The following SIPA1L2 variants were observed in gnomAD, a reference collection of about 807,000 sequenced individuals.
The protein encoded by SIPA1L2 is signal induced proliferation associated 1 like 2, also known as signal-induced proliferation-associated 1-like protein 2.
In SIPA1L2, 56 loss-of-function variants were observed where a neutral mutation model predicts 163.9. That is an observed-to-expected ratio of 0.34 (90% CI 0.28 to 0.43). The LOEUF (loss-of-function observed/expected upper bound fraction) is 0.43, where lower values mean the gene tolerates loss of function less well. Ranked by LOEUF, SIPA1L2 falls within the 20% of genes least tolerant of loss-of-function variation. The pLI is 1.00. For synonymous variants in SIPA1L2, 877 were observed against 865.7 expected, an observed-to-expected ratio of 1.01 and a Z score of -0.23; for missense variants, 1,974 against 2,193.5, an observed-to-expected ratio of 0.90 and a Z score of 2.00.
intron 2 of SIPA1L2, among the ~76,000 whole-genome samples, chr1:232,566,354 T>C (rs1353790424): frequency 2.0e-5 from 3 of 152,126 alleles, no homozygotes; most frequent in African/African-American, 4.8e-5. Flanking sequence ...CACTGATATT[T>C]CCTCCAAAGA....
At chr1:232,596,575 A>G (rs1180159091) in intron 1 of SIPA1L2, among the ~76,000 whole-genome samples, 1 of 152,226 alleles carries the variant, frequency 6.6e-6, no homozygotes, top group Non-Finnish European at 1.5e-5. Context: ...TTCTTGTTTT[A>G]TCATTTTGTC....
intron 2 of SIPA1L2, among the ~76,000 whole-genome samples, chr1:232,549,163 C>T (rs1387515202): frequency 6.6e-6 from 1 of 152,194 alleles, no homozygotes; most frequent in Non-Finnish European, 1.5e-5. Flanking sequence ...AGGCCTCCCC[C>T]AACCAGAGGT....
chr1:232,517,844 G>A (rs188907546), intron 2 of SIPA1L2, among the ~76,000 whole-genome samples: 439 of 151,976 alleles, frequency 2.9e-3, no homozygotes, highest in Non-Finnish European at 4.4e-3. Flanking sequence ...AATTTGAGAT[G>A]AGCACAGGCA....
At chr1:232,560,098 A>G (rs1573082925) in intron 2 of SIPA1L2, among the ~76,000 whole-genome samples, 5 of 152,328 alleles carry the variant, frequency 3.3e-5, no homozygotes, top group Admixed American at 3.3e-4. Flanking sequence ...ACTAACTCAG[A>G]ACAGAAATAG....
intron 1 of SIPA1L2, among the ~76,000 whole-genome samples, chr1:232,627,262 C>A (rs761058770): frequency 6.6e-6 from 1 of 152,200 alleles, no homozygotes; most frequent in Non-Finnish European, 1.5e-5. Flanking sequence ...ACACATAGTT[C>A]TTTGCAAAGT....
intron 17 of SIPA1L2, 28 bp from the exon 18 acceptor site, chr1:232,425,836 G>C: frequency 6.3e-7 from 1 of 1,590,800 alleles, no homozygotes; most frequent in Non-Finnish European, 8.6e-7. Context: ...TGCGAGGAGG[G>C]AACAGACATT....
intron 1 of SIPA1L2, among the ~76,000 whole-genome samples, chr1:232,614,944 C>A (rs1662425443): frequency 6.6e-6 from 1 of 152,166 alleles, no homozygotes. Context: ...AAATTCCAGT[C>A]CAAAGCTGGA....
At chr1:232,495,564 CAAA>C (rs386369969) in intron 3 of SIPA1L2, among the ~76,000 whole-genome samples, 85 of 100,336 alleles carry the variant, frequency 8.5e-4, no homozygotes, top group Middle Eastern at 7.4e-3. Context: ...GACTCCGTCT[CAAA>C]AAAAAAAAAA....
chr1:232,524,758 G>C (rs1331021528), intron 2 of SIPA1L2, among the ~76,000 whole-genome samples: 1 of 151,958 alleles, frequency 6.6e-6, no homozygotes, highest in Non-Finnish European at 1.5e-5. Flanking sequence ...GTTTATATAA[G>C]GCATGAAACA....
chr1:232,629,593 C>T lies in SIPA1L2; in HGVS notation c.-319+276G>A, dbSNP rs531766794. ...CTCCTCAGTGCCTGTGTCGCCGAGA[C>T]GGGAATAACCTTTCAGCCGATCGAT... On this transcript the variant is annotated intron_variant, in intron 1 of 22. Transcript: ENST00000674635. Among the ~76,000 whole-genome samples, 41 of 152,316 alleles carry T rather than the reference C, an allele frequency of 2.7e-4. 1 individual carries two copies. The highest frequency in any genetic ancestry group is 2.1e-3 in the Admixed American group (32 of 15,312).
intron 2 of SIPA1L2, among the ~76,000 whole-genome samples, chr1:232,535,660 T>C (rs183681462): frequency 4.9e-4 from 74 of 152,316 alleles, no homozygotes; most frequent in East Asian, 1.5e-3. Flanking sequence ...TATGAATATA[T>C]ACCATGAGCC....
intron 17 of SIPA1L2, among the ~76,000 whole-genome samples, chr1:232,427,523 C>G (rs1661971595): frequency 1.3e-5 from 2 of 152,180 alleles, no homozygotes; most frequent in South Asian, 4.1e-4. Context: ...GAGACAAGGA[C>G]TCAGTTGCTG....
rs964923313 is a variant in SIPA1L2 at position 232,477,925 on chromosome 1, G to A, written c.2085+1702C>T. ...TTTGTGGTTTGAATACTCGATGACG[G>A]GGGTCAAAAGTCACTGGCTCTATTT... On this transcript the variant is annotated intron_variant, in intron 7 of 22. Coordinates refer to ENST00000674635, the MANE Select transcript of SIPA1L2 (RefSeq NM_020808.5). 3.9e-5 allele frequency among the ~76,000 whole-genome samples: 6 copies of A among 152,248 alleles called. No homozygotes were observed. The South Asian group carries it at 8.3e-4, about 21-fold the overall frequency.
rs539638716 is a variant in SIPA1L2 at position 232,625,328 on chromosome 1, C to A, written c.-319+4541G>T. ...AAGTAAAGATATAAAAGAGTCTGAT[C>A]TAATAATGTACAGACAGCATTTCTT... On this transcript the variant is annotated intron_variant, in intron 1 of 22. Coordinates refer to ENST00000674635, the MANE Select transcript of SIPA1L2 (RefSeq NM_020808.5). Among the ~76,000 whole-genome samples the A allele has an allele frequency of 1.1e-4, 16 of 152,288 alleles. No homozygotes were observed. In the South Asian group the frequency reaches 3.3e-3, roughly 32 times the overall value.
intron 2 of SIPA1L2, among the ~76,000 whole-genome samples, chr1:232,540,496 A>T (rs1228101332): frequency 6.6e-6 from 1 of 152,102 alleles, no homozygotes; most frequent in African/African-American, 2.4e-5. Context: ...TCCCCTCTGA[A>T]TGAGGGAAGG....
intron 2 of SIPA1L2, among the ~76,000 whole-genome samples, chr1:232,553,272 C>T (rs1658503689): frequency 6.6e-6 from 1 of 152,158 alleles, no homozygotes; most frequent in African/African-American, 2.4e-5. Flanking sequence ...TTCAGATGCT[C>T]CTCCTCGTCT....
At chr1:232,415,760 G>GAGTC (rs1265556799) in intron 18 of SIPA1L2, 135 bp from the exon 19 acceptor site, 11 of 1,133,006 alleles carry the variant, frequency 9.7e-6, no homozygotes, top group African/African-American at 7.2e-5. Flanking sequence ...CCCCCTCCCA[G>GAGTC]AGTCAGTCAG....
At chr1:232,493,475 C>T in intron 4 of SIPA1L2, 52 bp downstream of exon 4, 2 of 1,609,152 alleles carry the variant, frequency 1.2e-6, no homozygotes, top group South Asian at 1.1e-5. Context: ...AGCAGTAACA[C>T]CAAAGGAGGT....
rs568707603 is a variant in SIPA1L2 at position 232,531,323 on chromosome 1, T to A, written c.-269-15715A>T. Among the ~76,000 whole-genome samples the A allele has an allele frequency of 2.0e-5, 3 of 152,228 alleles. No individual in the cohort carries two copies. In the East Asian group the frequency reaches 5.8e-4, roughly 29 times the overall value. ...ACCCCAACCTCCCTAGCTTCCTTATTGGAGTTCCCTCCCTGCAATGTCTTT... is the reference window on the plus strand; with the variant it reads ...ACCCCAACCTCCCTAGCTTCCTTATAGGAGTTCCCTCCCTGCAATGTCTTT... On this transcript the variant is annotated intron_variant, in intron 2 of 22. Transcript: ENST00000674635.
Sources: gnomAD v4.1 joint callset for allele counts (sites outside exome capture counted in the v4.1 genomes callset) on GRCh38, gnomAD v4.1.1 for gene constraint, MANE v1.5 for transcripts, NCBI Gene and HGNC (gene_info 2026-07-23, HGNC 2026-07-21) for gene names.